CSMD1: variants seen among roughly 807,000 people sequenced by gnomAD.
CSMD1 encodes the protein CUB and Sushi multiple domains 1, also known as CUB and sushi domain-containing protein 1.
CSMD1 carries 213 observed loss-of-function variants against 417.5 expected under a neutral mutation model. The observed-to-expected ratio is 0.51, with a 90% CI of 0.46 to 0.57. The LOEUF (loss-of-function observed/expected upper bound fraction) is 0.57. Among genes scored for constraint, CSMD1 ranks in the 20% least tolerant of loss-of-function variants. CSMD1 has a pLI of 0.00. For synonymous variants in CSMD1, 2,862 were observed against 1,736.8 expected, an observed-to-expected ratio of 1.65 and a Z score of -16.11; for missense variants, 6,923 against 4,529.7, an observed-to-expected ratio of 1.53 and a Z score of -15.17.
intron 46 of CSMD1, among the ~76,000 whole-genome samples, chr8:3,101,010 C>G (rs1050548868): frequency 5.3e-5 from 8 of 150,674 alleles, no homozygotes; most frequent in Non-Finnish European, 1.0e-4. Flanking sequence ...TGATCATTAT[C>G]AGAAGGTCAC....
chr8:4,763,923 G>C (rs1194866051), intron 1 of CSMD1, among the ~76,000 whole-genome samples: 1 of 152,190 alleles, frequency 6.6e-6, no homozygotes, highest in Non-Finnish European at 1.5e-5. Flanking sequence ...AAAATATTGA[G>C]TCTGAACAAA....
At chr8:4,697,073 G>A (rs546056716) in intron 1 of CSMD1, among the ~76,000 whole-genome samples, 1 of 152,248 alleles carries the variant, frequency 6.6e-6, no homozygotes, top group South Asian at 2.1e-4. Flanking sequence ...TCAGGAGGCT[G>A]ACGCAGGAGA....
At chr8:3,317,762 G>A (rs1805871332) in intron 23 of CSMD1, among the ~76,000 whole-genome samples, 1 of 152,142 alleles carries the variant, frequency 6.6e-6, no homozygotes, top group African/African-American at 2.4e-5. Context: ...TATAAATTTT[G>A]TGTTTAGTAA....
chr8:4,637,113 T>C (rs1052568934), intron 2 of CSMD1, among the ~76,000 whole-genome samples: 12 of 152,158 alleles, frequency 7.9e-5, no homozygotes, highest in Non-Finnish European at 1.2e-4. Flanking sequence ...CTTTATTCGC[T>C]CTTAGCAATA....
chr8:4,698,844 A>AAT (rs1807310550), intron 1 of CSMD1, among the ~76,000 whole-genome samples: 1 of 151,730 alleles, frequency 6.6e-6, no homozygotes, highest in South Asian at 2.1e-4. Flanking sequence ...AATCCTAACC[A>AAT]ATAGGGTTAC....
chr8:3,723,289 A>C (rs1802292030), intron 6 of CSMD1, among the ~76,000 whole-genome samples: 1 of 152,030 alleles, frequency 6.6e-6, no homozygotes, highest in South Asian at 2.1e-4. Flanking sequence ...TCACACTCAA[A>C]ACCTCTTCTC....
At chr8:4,783,196 A>G (rs1345253635) in intron 1 of CSMD1, among the ~76,000 whole-genome samples, 1 of 152,228 alleles carries the variant, frequency 6.6e-6, no homozygotes, top group Non-Finnish European at 1.5e-5. Flanking sequence ...TACACTTAAC[A>G]TTAGGCATTA....
At chr8:3,881,635 C>CA (rs1806213201) in intron 5 of CSMD1, among the ~76,000 whole-genome samples, 1 of 82,052 alleles carries the variant, frequency 1.2e-5, no homozygotes, top group Non-Finnish European at 2.3e-5. Flanking sequence ...AAAACAAAAA[C>CA]AAACAAACAA....
chr8:4,129,859 T>G (rs1802990357), intron 3 of CSMD1, among the ~76,000 whole-genome samples: 1 of 152,198 alleles, frequency 6.6e-6, no homozygotes, highest in African/African-American at 2.4e-5. Flanking sequence ...TTCCTGCTTT[T>G]TCATAGCATT....
In CSMD1 at chr8:3,367,956, G is replaced by C. The variant is rs565333781; in HGVS notation, c.2900-709C>G. ...GGTGTCCTTTAGAAAAATCTTATTT[G>C]GAGGTCTGCATAACCGAGGAAAAAC... is the stretch of plus-strand genomic sequence containing the variant. On this transcript the variant is annotated intron_variant, in intron 19 of 69. Coordinates refer to ENST00000635120, the MANE Select transcript of CSMD1 (RefSeq NM_033225.6). 5.9e-5 allele frequency among the ~76,000 whole-genome samples: 9 copies of C among 152,148 alleles called. No individual in the cohort carries two copies. In the East Asian group the frequency reaches 1.7e-3, roughly 29 times the overall value.
intron 1 of CSMD1, chr8:4,787,674 T>G: frequency 6.3e-7 from 1 of 1,589,378 alleles, no homozygotes; most frequent in Non-Finnish European, 8.6e-7. Context: ...GGATATAAGT[T>G]TACCCACCTA....
chr8:4,580,628 G>C (rs1057470750), intron 2 of CSMD1, among the ~76,000 whole-genome samples: 1 of 151,710 alleles, frequency 6.6e-6, no homozygotes, highest in African/African-American at 2.4e-5. Context: ...CTTCTTCTTC[G>C]TGGCATCACA....
intron 41 of CSMD1, chr8:3,128,221 G>T (rs1385719584): frequency 1.3e-5 from 2 of 152,010 alleles, no homozygotes; most frequent in African/African-American, 2.4e-5. Context: ...AATCATAAGT[G>T]CAACGAGACC....
At chr8:4,092,418 A>G (rs1800768871) in intron 3 of CSMD1, among the ~76,000 whole-genome samples, 1 of 152,222 alleles carries the variant, frequency 6.6e-6, no homozygotes, top group Admixed American at 6.5e-5. Context: ...TATTGGCTTC[A>G]GCATATTATG....
intron 1 of CSMD1, among the ~76,000 whole-genome samples, chr8:4,914,060 C>T (rs1056286990): frequency 3.3e-5 from 5 of 152,092 alleles, no homozygotes; most frequent in South Asian, 2.1e-4. Flanking sequence ...AATCTTAGTA[C>T]GATACCTAAA....
chr8:4,067,120 C>T (rs1321153653), intron 3 of CSMD1, among the ~76,000 whole-genome samples: 3 of 152,028 alleles, frequency 2.0e-5, no homozygotes, highest in African/African-American at 7.3e-5. Context: ...AATGTGTTTC[C>T]ACAGAGTCAC....
chr8:4,828,845 G>A (rs891794632), intron 1 of CSMD1, among the ~76,000 whole-genome samples: 47 of 152,168 alleles, frequency 3.1e-4, no homozygotes, highest in African/African-American at 1.1e-3. Context: ...GCTCAATACT[G>A]CCCACAGAAC....
chr8:3,733,977 G>A lies in CSMD1; in HGVS notation c.931+19953C>T, dbSNP rs183714949. 7.4e-4 allele frequency among the ~76,000 whole-genome samples: 112 copies of A among 152,124 alleles called. 1 individual carries two copies. The highest frequency in any genetic ancestry group is 7.1e-3 in the Admixed American group (109 of 15,276). On this transcript the variant is annotated intron_variant, in intron 6 of 69. Coordinates refer to ENST00000635120, the MANE Select transcript of CSMD1 (RefSeq NM_033225.6). ...CCTGAAACTTATCCTTCAAGGATAAGGGGGGGATGTCTGTACGTGTGCAAG... is the reference window on the plus strand; with the variant it reads ...CCTGAAACTTATCCTTCAAGGATAAAGGGGGGATGTCTGTACGTGTGCAAG...
At chr8:3,302,060 A>G (rs1297959287) in intron 25 of CSMD1, among the ~76,000 whole-genome samples, 1 of 152,130 alleles carries the variant, frequency 6.6e-6, no homozygotes, top group Non-Finnish European at 1.5e-5. Context: ...GGGAGGAGAA[A>G]TAAGCAACAG....
Sources: gnomAD v4.1 joint callset for allele counts (sites outside exome capture counted in the v4.1 genomes callset) on GRCh38, gnomAD v4.1.1 for gene constraint, MANE v1.5 for transcripts, NCBI Gene and HGNC (gene_info 2026-07-23, HGNC 2026-07-21) for gene names.